Variants in CUEDC1 observed in about 807,000 individuals in gnomAD.
The protein encoded by CUEDC1 is CUE domain-containing protein 1.
CUEDC1 carries 30 observed loss-of-function variants against 43.7 expected under a neutral mutation model. The ratio of observed to expected loss-of-function variants is 0.69; its 90% CI spans 0.51 to 0.93. The LOEUF (loss-of-function observed/expected upper bound fraction) is 0.93, where lower values mean the gene tolerates loss of function less well. Ranked by LOEUF, CUEDC1 falls within the 40% of genes least tolerant of loss-of-function variation. CUEDC1 has a pLI of 0.00. For missense variants in CUEDC1, 486 were observed against 549.0 expected (o/e 0.89, Z 1.15); for synonymous variants, 223 against 223.6 (o/e 1.00, Z 0.02).
chr17:57,882,835 T>C (rs2074232531), intron 2 of CUEDC1, among the ~76,000 whole-genome samples: 1 of 152,226 alleles, frequency 6.6e-6, no homozygotes, highest in Non-Finnish European at 1.5e-5. Context: ...CAGTATATGA[T>C]ACATACAACA....
chr17:57,931,377 C>T (rs2074802600), intron 1 of CUEDC1, among the ~76,000 whole-genome samples: 2 of 152,218 alleles, frequency 1.3e-5, no homozygotes, highest in Admixed American at 6.5e-5. Flanking sequence ...CGGGCAGTCG[C>T]TCATTCATTC....
chr17:57,872,915 TC>T, intron 4 of CUEDC1, 60 bp from the exon 5 acceptor site: 1 of 1,475,840 alleles, frequency 6.8e-7, no homozygotes. Context: ...TGCACAAACG[TC>T]CACATCCCTC....
At chr17:57,907,166 T>C (rs2074537871) in intron 1 of CUEDC1, among the ~76,000 whole-genome samples, 3 of 152,080 alleles carry the variant, frequency 2.0e-5, no homozygotes, top group Non-Finnish European at 1.5e-5. Flanking sequence ...TCAGATGGCC[T>C]GCAGAGTCAC....
chr17:57,914,043 T>C (rs753917705), intron 1 of CUEDC1, among the ~76,000 whole-genome samples: 1 of 152,212 alleles, frequency 6.6e-6, no homozygotes, highest in Non-Finnish European at 1.5e-5. Flanking sequence ...CGATTGCCAC[T>C]GTGCCCGTTG....
At chr17:57,919,893 C>A (rs2074682632) in intron 1 of CUEDC1, among the ~76,000 whole-genome samples, 1 of 152,218 alleles carries the variant, frequency 6.6e-6, no homozygotes, top group Non-Finnish European at 1.5e-5. Flanking sequence ...AGCCAACCAG[C>A]AAGCGTTTTC....
intron 1 of CUEDC1, among the ~76,000 whole-genome samples, chr17:57,932,691 A>G (rs1567722410): frequency 1.3e-5 from 2 of 150,834 alleles, no homozygotes; most frequent in Non-Finnish European, 2.9e-5. Context: ...GTGAAACCCC[A>G]TCTCTACTAA....
chr17:57,894,465 G>A (rs751252191), intron 1 of CUEDC1, among the ~76,000 whole-genome samples: 18 of 152,206 alleles, frequency 1.2e-4, no homozygotes, highest in Admixed American at 9.8e-4. Flanking sequence ...GAGGTCAGGA[G>A]TTTGAGACCA....
chr17:57,897,396 C>T (rs868435153), intron 1 of CUEDC1, among the ~76,000 whole-genome samples: 1 of 152,126 alleles, frequency 6.6e-6, no homozygotes, highest in East Asian at 1.9e-4. Context: ...TCTAGCCGGG[C>T]GCAGTGGCTC....
chr17:57,899,409 T>C (rs976325353), intron 1 of CUEDC1, among the ~76,000 whole-genome samples: 1 of 152,220 alleles, frequency 6.6e-6, no homozygotes, highest in Non-Finnish European at 1.5e-5. Flanking sequence ...CCCACACGTA[T>C]ACTCTGGAGC....
chr17:57,895,181 A>G (rs2074395795), intron 1 of CUEDC1, among the ~76,000 whole-genome samples: 1 of 152,240 alleles, frequency 6.6e-6, no homozygotes, highest in South Asian at 2.1e-4. Context: ...CATAGTAGAA[A>G]AATGAGGCGT....
chr17:57,894,626 C>A (rs1324882497), intron 1 of CUEDC1, among the ~76,000 whole-genome samples: 1 of 152,168 alleles, frequency 6.6e-6, no homozygotes, highest in Non-Finnish European at 1.5e-5. Context: ...GCCAAGATCA[C>A]ACCACTGTAC....
At chr17:57,927,501 T>G (rs2074760123) in intron 1 of CUEDC1, among the ~76,000 whole-genome samples, 1 of 151,914 alleles carries the variant, frequency 6.6e-6, no homozygotes, top group South Asian at 2.1e-4. Context: ...GGGCATCCAG[T>G]TTCAAGGAAG....
chr17:57,871,444 G>A, intron 5 of CUEDC1, 75 bp from the exon 6 acceptor site: 2 of 1,270,390 alleles, frequency 1.6e-6, no homozygotes, highest in Admixed American at 1.7e-5. Context: ...CTGGGACACG[G>A]TAGTTTGCTA....
chr17:57,873,805 T>C lies in CUEDC1; in HGVS notation c.465-88A>G. 3 of 1,359,298 alleles carry C rather than the reference T, an allele frequency of 2.2e-6. No homozygotes were observed. The Admixed American group carries it at 8.4e-5, about 38-fold the overall frequency. The allele number at this position is 1,359,298 out of a possible 1,614,324, so 84.2% of individuals were successfully genotyped here. On this transcript the variant is annotated intron_variant, in intron 3 of 10. Coordinates refer to ENST00000577830, the MANE Select transcript of CUEDC1 (RefSeq NM_001271875.2). ...CCATCACACCAGGTCCTCAGGCAGG[T>C]CGGATCCTGCTCAGAGATTCCCATG...
In CUEDC1 at chr17:57,952,476, C is replaced by T. The variant is rs139033612; in HGVS notation, c.-316+2749G>A. Among the ~76,000 whole-genome samples, 1,051 of 152,260 alleles carry T rather than the reference C, an allele frequency of 6.9e-3. 11 individuals carry two copies. Among genetic ancestry groups the T allele is most frequent in the African/African-American group, 0.024 (986 of 41,554 alleles). On this transcript the variant is annotated intron_variant, in intron 1 of 10. Coordinates refer to ENST00000577830, the MANE Select transcript of CUEDC1 (RefSeq NM_001271875.2). ...TCCTGACCTCAGGTGATCCACCCCC[C>T]TCGGCCTCCCAGAGTGGTGGGATTA...
chr17:57,884,343 G>A (rs1429054343), intron 2 of CUEDC1, among the ~76,000 whole-genome samples: 1 of 151,634 alleles, frequency 6.6e-6, no homozygotes, highest in African/African-American at 2.4e-5. Flanking sequence ...GACTACAGGT[G>A]CGCACCACCA....
intron 1 of CUEDC1, among the ~76,000 whole-genome samples, chr17:57,912,903 T>C (rs566772909): frequency 1.3e-5 from 2 of 152,222 alleles, no homozygotes; most frequent in South Asian, 4.1e-4. Flanking sequence ...AGTGCAGTGG[T>C]GCGGTCATAG....
intron 1 of CUEDC1, among the ~76,000 whole-genome samples, chr17:57,898,207 G>A (rs750269942): frequency 6.6e-6 from 1 of 152,192 alleles, no homozygotes; most frequent in Non-Finnish European, 1.5e-5. Context: ...CCTGCCTCCT[G>A]CTGGGGATGC....
At chr17:57,928,768 C>G (rs1447392523) in intron 1 of CUEDC1, among the ~76,000 whole-genome samples, 1 of 135,862 alleles carries the variant, frequency 7.4e-6, no homozygotes, top group Non-Finnish European at 1.5e-5. Flanking sequence ...AAAGTCCACC[C>G]AGCCTGCCTG....
Sources: gnomAD v4.1 joint callset for allele counts (sites outside exome capture counted in the v4.1 genomes callset) on GRCh38, gnomAD v4.1.1 for gene constraint, MANE v1.5 for transcripts, NCBI Gene and HGNC (gene_info 2026-07-23, HGNC 2026-07-21) for gene names.